Variants in FGF14 observed in about 807,000 individuals in gnomAD.
FGF14 encodes the protein fibroblast growth factor 14, also known as fibroblast growth factor homologous factor 4.
In FGF14, 5 loss-of-function variants were observed where a neutral mutation model predicts 25.5. The ratio of observed to expected loss-of-function variants is 0.20; its 90% CI spans 0.10 to 0.41. FGF14 has a LOEUF of 0.41. Among genes scored for constraint, FGF14 ranks in the 10% least tolerant of loss-of-function variants. The pLI, the probability that FGF14 is intolerant of heterozygous loss-of-function variation, is 1.00. For missense variants in FGF14, 222 were observed against 320.1 expected (o/e 0.69, Z 2.34); for synonymous variants, 138 against 118.3 (o/e 1.17, Z -1.08).
chr13:101,929,565 GGTT>G lies in FGF14; in HGVS notation c.209-54272_209-54270del, dbSNP rs1266554001. ...TTCATGAAGAGCTATTTTCCACATA[GGTT>G]TGCAGTAGACCCACTCAATTACCTG... is the stretch of plus-strand genomic sequence containing the variant. On this transcript the variant is annotated intron_variant, in intron 1 of 4. Transcript: ENST00000376131. 5.6e-4 allele frequency among the ~76,000 whole-genome samples: 85 copies of G among 152,286 alleles called. 1 individual carries two copies. The highest frequency in any genetic ancestry group is 7.9e-4 in the Non-Finnish European group (54 of 68,028).
intron 1 of FGF14, among the ~76,000 whole-genome samples, chr13:102,168,330 A>AC (rs1305443760): frequency 1.3e-5 from 2 of 152,022 alleles, no homozygotes; most frequent in Admixed American, 6.6e-5. Context: ...GGCACACACC[A>AC]CCATCCCTGG....
chr13:102,321,681 T>C (rs947279398), intron 1 of FGF14, among the ~76,000 whole-genome samples: 1 of 152,182 alleles, frequency 6.6e-6, no homozygotes, highest in African/African-American at 2.4e-5. Context: ...CTTAATGTGT[T>C]TTCTAAACTT....
intron 3 of FGF14, among the ~76,000 whole-genome samples, chr13:101,816,126 C>T (rs952901761): frequency 6.6e-6 from 1 of 151,124 alleles, no homozygotes; most frequent in Admixed American, 6.6e-5. Flanking sequence ...AAAAATTAGC[C>T]GGGCGTGTTG....
chr13:102,257,571 G>T (rs919848136), intron 1 of FGF14, among the ~76,000 whole-genome samples: 1 of 151,730 alleles, frequency 6.6e-6, no homozygotes, highest in Admixed American at 6.6e-5. Context: ...GACCTGAAGT[G>T]ATCCACCTGC....
intron 1 of FGF14, among the ~76,000 whole-genome samples, chr13:101,924,715 ATT>A (rs990143728): frequency 2.0e-5 from 3 of 152,230 alleles, no homozygotes; most frequent in African/African-American, 7.2e-5. Flanking sequence ...CATGATCTCT[ATT>A]TTACAGAAGA....
intron 4 of FGF14, among the ~76,000 whole-genome samples, chr13:101,725,344 A>G (rs1436340042): frequency 6.6e-6 from 1 of 152,052 alleles, no homozygotes; most frequent in Non-Finnish European, 1.5e-5. Flanking sequence ...ATGATCCACC[A>G]TATACTGAGA....
chr13:102,121,537 A>G (rs1441962021), intron 1 of FGF14, among the ~76,000 whole-genome samples: 2 of 152,166 alleles, frequency 1.3e-5, no homozygotes, highest in African/African-American at 4.8e-5. Context: ...GTCCCATGAA[A>G]ATTATTTAAT....
intron 1 of FGF14, among the ~76,000 whole-genome samples, chr13:102,133,309 G>A (rs865797296): frequency 4.6e-5 from 7 of 152,282 alleles, no homozygotes; most frequent in African/African-American, 1.7e-4. Context: ...AATTAAACAA[G>A]TGTGTACATA....
chr13:101,788,814 G>A (rs1286075023), intron 3 of FGF14, among the ~76,000 whole-genome samples: 5 of 141,582 alleles, frequency 3.5e-5, no homozygotes, highest in African/African-American at 1.3e-4. Context: ...TTTTTCCCAG[G>A]ATTCTTCCTG....
At chr13:102,303,944 A>C (rs941484325) in intron 1 of FGF14, among the ~76,000 whole-genome samples, 3 of 152,164 alleles carry the variant, frequency 2.0e-5, no homozygotes, top group African/African-American at 7.2e-5. Context: ...GATTTTAGAC[A>C]ATTAGTATAT....
In FGF14 at chr13:101,964,361, A is replaced by G. The variant is rs563666868; in HGVS notation, c.209-89065T>C. ...CCACAACTGGATACGAAATGCAAAC[A>G]GGTTCCTAAGGATGATGTTTAATGA... On this transcript the variant is annotated intron_variant, in intron 1 of 4. Coordinates refer to the FGF14 transcript ENST00000376131. Among the ~76,000 whole-genome samples the G allele has an allele frequency of 2.6e-5, 4 of 152,362 alleles. No homozygotes were observed. In the East Asian group the frequency reaches 7.7e-4, roughly 29 times the overall value.
chr13:102,130,621 C>T (rs1004980018), intron 1 of FGF14, among the ~76,000 whole-genome samples: 23 of 152,024 alleles, frequency 1.5e-4, no homozygotes, highest in African/African-American at 5.6e-4. Flanking sequence ...CCTGTGGACA[C>T]ATTTTGGCAA....
intron 3 of FGF14, among the ~76,000 whole-genome samples, chr13:101,790,598 C>A (rs1355146219): frequency 6.6e-6 from 1 of 152,074 alleles, no homozygotes; most frequent in African/African-American, 2.4e-5. Flanking sequence ...AATAAATACA[C>A]CACCTAGACG....
chr13:102,244,479 C>T (rs1343178420), intron 1 of FGF14, among the ~76,000 whole-genome samples: 28 of 151,544 alleles, frequency 1.8e-4, no homozygotes, highest in Admixed American at 1.8e-3. Flanking sequence ...AAAAAAACTT[C>T]CTTAAAATTA....
chr13:101,758,404 G>C (rs1274414573), intron 3 of FGF14, among the ~76,000 whole-genome samples: 1 of 152,118 alleles, frequency 6.6e-6, no homozygotes, highest in Non-Finnish European at 1.5e-5. Flanking sequence ...TTTGTCTAGG[G>C]ACCACACTTT....
At position 101,720,118 on chromosome 13, in the gene FGF14, CA is replaced by C. The variant is rs2034876984; in HGVS notation, c.*2712del. 6.6e-6 allele frequency: 1 copy of C among 151,916 alleles called. No individual in the cohort carries two copies. 9.4% of individuals were successfully genotyped at this position (151,916 alleles called of 1,614,324 possible). A position where few individuals can be genotyped will look rare whatever the true frequency, so the allele number is the denominator to read the frequency against. ...TGAATTTAACAAATGATATTAAACACAAACTACAATGCAGACAGACAAACTC... is the reference window on the plus strand; with the variant it reads ...TGAATTTAACAAATGATATTAAACACAACTACAATGCAGACAGACAAACTC... On this transcript the variant is annotated 3_prime_UTR_variant, in exon 5 of 5. Coordinates refer to ENST00000376143, the MANE Select transcript of FGF14 (RefSeq NM_004115.4).
At chr13:102,040,977 C>T (rs911110733) in intron 1 of FGF14, among the ~76,000 whole-genome samples, 17 of 151,928 alleles carry the variant, frequency 1.1e-4, no homozygotes, top group African/African-American at 4.1e-4. Context: ...CCTGTTGAGG[C>T]AGAGCCAATG....
chr13:102,376,140 T>A (rs1411805364), intron 1 of FGF14, among the ~76,000 whole-genome samples: 1 of 152,302 alleles, frequency 6.6e-6, no homozygotes, highest in Admixed American at 6.5e-5. Flanking sequence ...AATCCGCATG[T>A]GTCAAGGGCA....
At chr13:101,777,554 A>G (rs2039203734) in intron 3 of FGF14, among the ~76,000 whole-genome samples, 2 of 151,896 alleles carry the variant, frequency 1.3e-5, no homozygotes, top group African/African-American at 4.8e-5. Context: ...AATGAGAATG[A>G]CTCCCCGAGG....
Sources: gnomAD v4.1 joint callset for allele counts (sites outside exome capture counted in the v4.1 genomes callset) on GRCh38, gnomAD v4.1.1 for gene constraint, MANE v1.5 for transcripts, NCBI Gene and HGNC (gene_info 2026-07-23, HGNC 2026-07-21) for gene names.